Variants in SPPL2C observed in about 807,000 individuals in gnomAD.
SPPL2C encodes signal peptide peptidase like 2C.
SPPL2C carries 33 observed loss-of-function variants against 38.8 expected under a neutral mutation model. The ratio of observed to expected loss-of-function variants is 0.85; its 90% CI spans 0.64 to 1.14. SPPL2C has a LOEUF of 1.14. Among genes scored for constraint, SPPL2C ranks in the 50% most tolerant of loss-of-function variants. The probability of loss-of-function intolerance (pLI) is 0.00; values close to 1 mark genes in which losing one functional copy is unlikely to be tolerated. For synonymous variants in SPPL2C, 384 were observed against 390.7 expected, an observed-to-expected ratio of 0.98 and a Z score of 0.20; for missense variants, 899 against 904.4, an observed-to-expected ratio of 0.99 and a Z score of 0.08.
chr17:45,846,337 C>T lies in SPPL2C; in HGVS notation c.1431C>T (p.Thr477=), dbSNP rs12185235. The T allele has an allele frequency of 0.19, 303,998 of 1,614,006 alleles. 32,662 individuals are homozygous for T. Among genetic ancestry groups the T allele is most frequent in the Non-Finnish European group, 0.22 (260,920 of 1,180,006 alleles). ...CSRQIYFVAC[T]VAYAVGLLVT... ...GTCAGATCTACTTCGTGGCCTGCAC[C>T]GTGGCCTATGCTGTGGGCCTGCTGG... Residue 477 remains threonine, a synonymous_variant, in exon 1 of 1, where the codon ACC becomes ACT. Transcript: ENST00000329196.
rs554288570 is a variant in SPPL2C at position 45,846,695 on chromosome 17, C to T, written c.1789C>T (p.Arg597Cys). ...SENEATNPED[R>C]SDSSEGWSDA... ...GAATGAAGCCACCAATCCAGAGGAC[C>T]GCAGTGATAGCTCCGAGGGCTGGAG... Residue 597 changes from arginine to cysteine, a missense_variant, in exon 1 of 1, where the codon CGC (arginine) becomes TGC (cysteine). Transcript: ENST00000329196. 1.7e-5 allele frequency: 28 copies of T among 1,614,208 alleles called. No homozygotes were observed. Among genetic ancestry groups the T allele is most frequent in the South Asian group, 5.5e-5 (5 of 91,084 alleles).
In SPPL2C at chr17:45,845,135, C is replaced by A. The variant is rs2074180; in HGVS notation, c.229C>A (p.His77Asn). Reference sequence around the variant, plus strand: ...CTGGTGCCCGGGTGAGGATTCCCCCCACCAGGCCCAGCTCCGCTCCCCCAG... The same window carrying A: ...CTGGTGCCCGGGTGAGGATTCCCCCAACCAGGCCCAGCTCCGCTCCCCCAG... ...APWCPGEDSP[H>N]QAQLRSPSQR... Residue 77 changes from histidine to asparagine, a missense_variant, in exon 1 of 1, where the codon CAC (histidine) becomes AAC (asparagine). By Grantham distance (68) the His-to-Asn change is moderately conservative (BLOSUM62 1). Transcript: ENST00000329196. 1.2e-6 allele frequency: 2 copies of A among 1,610,672 alleles called. No individual in the cohort carries two copies. Among genetic ancestry groups the A allele is most frequent in the East Asian group, 2.2e-5 (1 of 44,722 alleles).
In SPPL2C at chr17:45,846,355, C is replaced by T. The variant is rs763443495; in HGVS notation, c.1449C>T (p.Gly483=). The part of the protein sequence containing the change: ...FVACTVAYAV[G]LLVTFMAMVL... ...CCTGCACCGTGGCCTATGCTGTGGG[C>T]CTGCTGGTCACATTCATGGCCATGG... Residue 483 remains glycine, a synonymous_variant, in exon 1 of 1, where the codon GGC becomes GGT. Transcript: ENST00000329196. The T allele has an allele frequency of 3.7e-6, 6 of 1,613,976 alleles. No homozygotes were observed. Among genetic ancestry groups the T allele is most frequent in the Non-Finnish European group, 5.1e-6 (6 of 1,180,028 alleles).
rs201940263 is a variant in SPPL2C at position 45,844,991 on chromosome 17, G to A, written c.85G>A (p.Val29Met). 2.9e-4 allele frequency: 461 copies of A among 1,614,126 alleles called. No individual in the cohort carries two copies. The highest frequency in any genetic ancestry group is 1.2e-3 in the Middle Eastern group (7 of 6,062). ...CGGGGGAAAGTACGGCGTGGCCCAC[G>A]TGGTGTCGGAGAATTGGAGCAAGGA... Reference protein sequence around the residue: ...VAGGKYGVAHVVSENWSKDYC... With the variant: ...VAGGKYGVAHMVSENWSKDYC... The change falls in exon 1 of 1, where the codon GTG (valine) becomes ATG (methionine). Residue 29 changes from valine (V) to methionine (M), a missense_variant. Coordinates refer to ENST00000329196, the MANE Select transcript of SPPL2C (RefSeq NM_175882.3).
chr17:45,845,806 G>A lies in SPPL2C; in HGVS notation c.900G>A (p.Leu300=), dbSNP rs752755138. The stretch of plus-strand genomic sequence containing the variant: ...GCCTCTACAGCTGCCTGTCACCCCT[G>A]GTGTGCCGCCTGTCCCTGCGGCAAT... ...GIGLYSCLSP[L]VCRLSLRQYQ... The change falls in exon 1 of 1, where the codon CTG becomes CTA. Residue 300 remains leucine (L), a synonymous_variant. Coordinates refer to ENST00000329196, the MANE Select transcript of SPPL2C (RefSeq NM_175882.3). 15 of 1,609,230 alleles carry A rather than the reference G, an allele frequency of 9.3e-6. No individual in the cohort carries two copies. Among genetic ancestry groups the A allele is most frequent in the Middle Eastern group, 3.3e-4 (2 of 6,084 alleles).
rs200732844 is a variant in SPPL2C, at chr17:45,846,886, C to A, written c.1980C>A (p.Gly660=). 228 of 1,609,778 alleles carry A rather than the reference C, an allele frequency of 1.4e-4. No individual in the cohort carries two copies. Among genetic ancestry groups the A allele is most frequent in the Non-Finnish European group, 1.8e-4 (212 of 1,178,130 alleles). ...CCCAGGCCCAGGCCCACGAGACTGG[C>A]CTGCCCTGGGCGGGACTCCACAAGA... ...VHAQAQAHET[G]LPWAGLHKRK... Residue 660 remains glycine (G), a synonymous_variant, in exon 1 of 1, where the codon GGC becomes GGA. Transcript: ENST00000329196.
Position 45,845,548 on chromosome 17 carries a change from G to GCCTCTT in SPPL2C, c.643_644insCTCTTC (p.Gln214_Arg215insProLeu). 6.2e-7 allele frequency: 1 copy of GCCTCTT among 1,600,962 alleles called. No individual in the cohort carries two copies. The highest frequency in any genetic ancestry group is 8.5e-7 in the Non-Finnish European group (1 of 1,174,782). ...GCCTGACCGAAGCCAACCGGCTACA[G>GCCTCTT]CGGCGCCGTGCCCGAAGAGGAGGGG... On this transcript the variant is annotated inframe_insertion, in exon 1 of 1. Transcript: ENST00000329196.
rs2062531019 is a variant in SPPL2C, at chr17:45,845,513, T to G, written c.607T>G (p.Tyr203Asp). 1.2e-6 allele frequency: 2 copies of G among 1,603,158 alleles called. No homozygotes were observed. The highest frequency in any genetic ancestry group is 2.2e-5 in the South Asian group (2 of 90,792). ...LAVGTVAAGG[Y>D]WAGLTEANRL... ...TGTGGGCACAGTGGCTGCAGGCGGCTACTGGGCCGGCCTGACCGAAGCCAA... is the reference window on the plus strand; with the variant it reads ...TGTGGGCACAGTGGCTGCAGGCGGCGACTGGGCCGGCCTGACCGAAGCCAA... The change falls in exon 1 of 1, where the codon TAC becomes GAC. Residue 203 changes from tyrosine to aspartate, a missense_variant. Transcript: ENST00000329196.
At position 45,846,310 on chromosome 17, in the gene SPPL2C, C is replaced by T. The variant is rs757419734; in HGVS notation, c.1404C>T (p.Ser468=). The change falls in exon 1 of 1, where the codon TCC becomes TCT. Residue 468 remains serine, a synonymous_variant. Coordinates refer to ENST00000329196, the MANE Select transcript of SPPL2C (RefSeq NM_175882.3). ...GCCGCTTTGATGTGCAAGTCTGCTC[C>T]CGTCAGATCTACTTCGTGGCCTGCA... The part of the protein sequence containing the change: ...YCCRFDVQVC[S]RQIYFVACTV... 1 of 1,614,126 alleles carries T rather than the reference C, an allele frequency of 6.2e-7. No individual in the cohort carries two copies. The highest frequency in any genetic ancestry group is 2.2e-5 in the East Asian group (1 of 44,874).
In SPPL2C at chr17:45,845,488, T is replaced by C; in HGVS notation, c.582T>C (p.Ala194=). ...DYNMLVIFIL[A]VGTVAAGGYW... is the part of the protein sequence containing the mutation. ...ACATGCTGGTCATCTTCATCCTGGC[T>C]GTGGGCACAGTGGCTGCAGGCGGCT... The change falls in exon 1 of 1, where the codon GCT becomes GCC. Residue 194 remains alanine, a synonymous_variant. Coordinates refer to ENST00000329196, the MANE Select transcript of SPPL2C (RefSeq NM_175882.3). 1 of 1,606,902 alleles carries C rather than the reference T, an allele frequency of 6.2e-7. No individual in the cohort carries two copies. Among genetic ancestry groups the C allele is most frequent in the South Asian group, 1.1e-5 (1 of 91,006 alleles).
rs759183300 is a variant in SPPL2C at position 45,846,889 on chromosome 17, G to A, written c.1983G>A (p.Leu661=). 1 of 1,607,860 alleles carries A rather than the reference G, an allele frequency of 6.2e-7. No individual in the cohort carries two copies. Among genetic ancestry groups the A allele is most frequent in the Admixed American group, 1.7e-5 (1 of 59,858 alleles). Residue 661 remains leucine (L), a synonymous_variant, in exon 1 of 1, where the codon CTG becomes CTA. Transcript: ENST00000329196. ...HAQAQAHETG[L]PWAGLHKRKG... ...AGGCCCAGGCCCACGAGACTGGCCT[G>A]CCCTGGGCGGGACTCCACAAGAGGA...
rs1385194746 is a variant in SPPL2C at position 45,845,607 on chromosome 17, C to T, written c.701C>T (p.Ala234Val). Reference protein sequence around the residue: ...SGGHHQLQEAAAAEGAQKEDN... With the variant: ...SGGHHQLQEAVAAEGAQKEDN... ...GGTCACCATCAGCTGCAGGAAGCTG[C>T]AGCAGCTGAGGGAGCCCAGAAGGAA... is the stretch of plus-strand genomic sequence containing the variant. The change falls in exon 1 of 1, where the codon GCA (alanine) becomes GTA (valine). Residue 234 changes from alanine to valine, a missense_variant. Ala to Val is a moderately conservative substitution (Grantham distance 64, BLOSUM62 0). Coordinates refer to ENST00000329196, the MANE Select transcript of SPPL2C (RefSeq NM_175882.3). 2 of 1,610,142 alleles carry T rather than the reference C, an allele frequency of 1.2e-6. No homozygotes were observed. The highest frequency in any genetic ancestry group is 1.7e-6 in the Non-Finnish European group (2 of 1,178,324).
rs2062545634 is a variant in SPPL2C at position 45,846,316 on chromosome 17, G to C, written c.1410G>C (p.Gln470His). The C allele has an allele frequency of 1.2e-6, 2 of 1,614,142 alleles. No individual in the cohort carries two copies. The highest frequency in any genetic ancestry group is 2.7e-5 in the African/African-American group (2 of 75,042). Residue 470 changes from glutamine to histidine, a missense_variant, in exon 1 of 1, where the codon CAG becomes CAC. Physicochemically the swap from Gln to His is conservative, Grantham distance 24 (BLOSUM62 0). Coordinates refer to ENST00000329196, the MANE Select transcript of SPPL2C (RefSeq NM_175882.3). ...CRFDVQVCSR[Q>H]IYFVACTVAY... ...TTGATGTGCAAGTCTGCTCCCGTCA[G>C]ATCTACTTCGTGGCCTGCACCGTGG... is the stretch of plus-strand genomic sequence containing the variant.
Position 45,845,507 on chromosome 17 carries a change from G to T in SPPL2C, c.601G>T (p.Gly201Cys). Residue 201 changes from glycine (G) to cysteine (C), a missense_variant, in exon 1 of 1, where the codon GGC becomes TGC. Physicochemically the swap from Gly to Cys is radical, Grantham distance 159. Transcript: ENST00000329196. ...CCTGGCTGTGGGCACAGTGGCTGCAGGCGGCTACTGGGCCGGCCTGACCGA... is the reference window on the plus strand; with the variant it reads ...CCTGGCTGTGGGCACAGTGGCTGCATGCGGCTACTGGGCCGGCCTGACCGA... ...FILAVGTVAAGGYWAGLTEAN... is the reference protein window; with the variant it reads ...FILAVGTVAACGYWAGLTEAN... The T allele has an allele frequency of 6.2e-7, 1 of 1,603,918 alleles. No homozygotes were observed. The highest frequency in any genetic ancestry group is 8.5e-7 in the Non-Finnish European group (1 of 1,177,086).
At position 45,844,993 on chromosome 17, in the gene SPPL2C, G is replaced by A. The variant is rs777820959; in HGVS notation, c.87G>A (p.Val29=). The change falls in exon 1 of 1, where the codon GTG becomes GTA. Residue 29 remains valine (V), a synonymous_variant. Coordinates refer to ENST00000329196, the MANE Select transcript of SPPL2C (RefSeq NM_175882.3). ...GGGGAAAGTACGGCGTGGCCCACGT[G>A]GTGTCGGAGAATTGGAGCAAGGACT... The part of the protein sequence containing the change: ...VAGGKYGVAH[V]VSENWSKDYC... 1 of 1,614,116 alleles carries A rather than the reference G, an allele frequency of 6.2e-7. No individual in the cohort carries two copies. Among genetic ancestry groups the A allele is most frequent in the Non-Finnish European group, 8.5e-7 (1 of 1,179,986 alleles).
In SPPL2C at chr17:45,845,842, T is replaced by C. The variant is rs376423300; in HGVS notation, c.936T>C (p.Pro312=). ...TGTCCCTGCGGCAATACCAGAGGCC[T>C]CCGCACAGCCTCTGGGCCTCTCTGC... ...CRLSLRQYQR[P]PHSLWASLPL... Residue 312 remains proline, a synonymous_variant, in exon 1 of 1, where the codon CCT becomes CCC. Transcript: ENST00000329196. The C allele has an allele frequency of 1.9e-6, 3 of 1,606,206 alleles. No homozygotes were observed. The highest frequency in any genetic ancestry group is 2.5e-6 in the Non-Finnish European group (3 of 1,179,930).
In SPPL2C at chr17:45,846,819, T is replaced by C. The variant is rs925962871; in HGVS notation, c.1913T>C (p.Met638Thr). 1 of 1,614,000 alleles carries C rather than the reference T, an allele frequency of 6.2e-7. No homozygotes were observed. Among genetic ancestry groups the C allele is most frequent in the Non-Finnish European group, 8.5e-7 (1 of 1,179,986 alleles). ...LMPMAMLIPLMPLMPPPSELG... is the reference protein window; with the variant it reads ...LMPMAMLIPLTPLMPPPSELG... ...CCAATGGCCATGCTGATCCCACTCATGCCCCTGATGCCCCCGCCCTCAGAG... is the reference window on the plus strand; with the variant it reads ...CCAATGGCCATGCTGATCCCACTCACGCCCCTGATGCCCCCGCCCTCAGAG... The change falls in exon 1 of 1, where the codon ATG becomes ACG. Residue 638 changes from methionine to threonine, a missense_variant. Met to Thr is a moderately conservative substitution (Grantham distance 81). Coordinates refer to ENST00000329196, the MANE Select transcript of SPPL2C (RefSeq NM_175882.3).
chr17:45,846,856 C>T lies in SPPL2C; in HGVS notation c.1950C>T (p.Val650=), dbSNP rs367870678. The change falls in exon 1 of 1, where the codon GTC becomes GTT. Residue 650 remains valine, a synonymous_variant. Transcript: ENST00000329196. ...CCCCGCCCTCAGAGCTGGGCCATGT[C>T]CATGCCCAGGCCCAGGCCCACGAGA... ...LMPPPSELGH[V]HAQAQAHETG... is the part of the protein sequence containing the mutation. The T allele has an allele frequency of 6.2e-7, 1 of 1,613,428 alleles. No homozygotes were observed. The highest frequency in any genetic ancestry group is 2.2e-5 in the East Asian group (1 of 44,864).
At position 45,846,562 on chromosome 17, in the gene SPPL2C, A is replaced by G; in HGVS notation, c.1656A>G (p.Ala552=). 6.2e-7 allele frequency: 1 copy of G among 1,613,278 alleles called. No individual in the cohort carries two copies. The highest frequency in any genetic ancestry group is 8.5e-7 in the Non-Finnish European group (1 of 1,180,010). ...GCTCTAGGCAGAAGCAGGAGGGCGCAGCAGATGCCCACACAGCCAGCACAC... is the reference window on the plus strand; with the variant it reads ...GCTCTAGGCAGAAGCAGGAGGGCGCGGCAGATGCCCACACAGCCAGCACAC... ...SAGSRQKQEG[A]ADAHTASTLE... is the part of the protein sequence containing the mutation. Residue 552 remains alanine (A), a synonymous_variant, in exon 1 of 1, where the codon GCA becomes GCG. Transcript: ENST00000329196.
Sources: gnomAD v4.1 joint callset for allele counts on GRCh38, gnomAD v4.1.1 for gene constraint, MANE v1.5 for transcripts, NCBI Gene and HGNC (gene_info 2026-07-23, HGNC 2026-07-21) for gene names.